Variants in VCF1 observed in about 807,000 individuals in gnomAD.
The protein encoded by VCF1 is protein VCF1.
chr17:73,219,409 G>T, the VCF1 span, among the ~76,000 whole-genome samples: 20 of 151,974 alleles, frequency 1.3e-4, no homozygotes, highest in African/African-American at 4.8e-4. Context: ...CCAGTCCTCT[G>T]GAGGCCGAGG....
chr17:73,226,920 G>A, the VCF1 span, among the ~76,000 whole-genome samples: 4 of 152,144 alleles, frequency 2.6e-5, no homozygotes, highest in Non-Finnish European at 5.9e-5. Flanking sequence ...AAAAAGCCAC[G>A]AAATTTCTAA....
chr17:73,211,798 T>G, the VCF1 span, among the ~76,000 whole-genome samples: 1 of 152,094 alleles, frequency 6.6e-6, no homozygotes, highest in Non-Finnish European at 1.5e-5. Context: ...AGGTGAAGGT[T>G]GCAGTGAGCC....
the VCF1 span, among the ~76,000 whole-genome samples, chr17:73,225,030 G>GACAGGACCACACAGC: frequency 1.7e-4 from 21 of 125,224 alleles, 6 homozygotes; most frequent in South Asian, 5.1e-4. Flanking sequence ...GACAGGACAG[G>GACAGGACCACACAGC]ACAGCACAGG....
chr17:73,221,661 G>A, the VCF1 span, among the ~76,000 whole-genome samples: 2 of 152,152 alleles, frequency 1.3e-5, no homozygotes, highest in Non-Finnish European at 2.9e-5. Flanking sequence ...GGCCAAGGTG[G>A]AAGGATTGCT....
chr17:73,214,338 C>T, the VCF1 span, among the ~76,000 whole-genome samples: 1 of 146,340 alleles, frequency 6.8e-6, no homozygotes, highest in African/African-American at 2.5e-5. Context: ...AAAAGGACAA[C>T]AGAGTGCAAC....
chr17:73,209,893 T>C, the VCF1 span: 9 of 1,385,508 alleles, frequency 6.5e-6, no homozygotes, highest in African/African-American at 5.8e-5. Context: ...TGAAGACATA[T>C]ACTGGGCTTT....
At chr17:73,231,653 A>G in the VCF1 span, among the ~76,000 whole-genome samples, 2 of 152,000 alleles carry the variant, frequency 1.3e-5, no homozygotes, top group African/African-American at 2.4e-5. Context: ...GTTAAGCCCA[A>G]CCTTTCTTTC....
the VCF1 span, chr17:73,227,548 G>A: frequency 7.3e-6 from 6 of 824,616 alleles, no homozygotes; most frequent in African/African-American, 1.1e-4. Flanking sequence ...AACAAGAACA[G>A]GAAGAGGTTA....
chr17:73,231,283 C>G, the VCF1 span, among the ~76,000 whole-genome samples: 7 of 152,138 alleles, frequency 4.6e-5, no homozygotes, highest in Non-Finnish European at 1.0e-4. Flanking sequence ...TCTGAGGTAA[C>G]CTTTCCCAAC....
At chr17:73,221,951 T>C in the VCF1 span, among the ~76,000 whole-genome samples, 2 of 150,730 alleles carry the variant, frequency 1.3e-5, no homozygotes, top group Non-Finnish European at 2.9e-5. Flanking sequence ...GGAGAATTGC[T>C]TGAACCCTCC....
the VCF1 span, among the ~76,000 whole-genome samples, chr17:73,224,904 G>C: frequency 1.4e-5 from 2 of 146,910 alleles, no homozygotes; most frequent in East Asian, 2.0e-4. Flanking sequence ...GGACAGGACA[G>C]GACAGGACAG....
chr17:73,227,275 A>G, the VCF1 span: 1 of 1,536,684 alleles, frequency 6.5e-7, no homozygotes, highest in Non-Finnish European at 8.7e-7. Flanking sequence ...CTGAAATTAA[A>G]TCACAAGGAG....
At chr17:73,224,857 C>G in the VCF1 span, among the ~76,000 whole-genome samples, 1 of 151,566 alleles carries the variant, frequency 6.6e-6, no homozygotes, top group Admixed American at 6.6e-5. Flanking sequence ...CAGGACAGGA[C>G]AGGACAGCAC....
the VCF1 span, among the ~76,000 whole-genome samples, chr17:73,228,137 T>C: frequency 6.6e-6 from 1 of 152,224 alleles, no homozygotes; most frequent in Non-Finnish European, 1.5e-5. Flanking sequence ...GTGTAGCTAG[T>C]GGCTACTGCA....
chr17:73,217,891 G>A, the VCF1 span, among the ~76,000 whole-genome samples: 1 of 152,018 alleles, frequency 6.6e-6, no homozygotes, highest in Non-Finnish European at 1.5e-5. Context: ...AGAATTGCTT[G>A]AACCCAGGAG....
chr17:73,227,319 G>A, the VCF1 span: 1 of 1,412,520 alleles, frequency 7.1e-7, no homozygotes. Context: ...CGATGTTTTG[G>A]ACACTTGAAT....
chr17:73,229,591 C>T, the VCF1 span: 1 of 985,132 alleles, frequency 1.0e-6, no homozygotes, highest in Non-Finnish European at 1.2e-6. Context: ...ATGGGCTGGG[C>T]ACGGTGACTC....
chr17:73,208,323 C>A, the VCF1 span: 3 of 1,613,768 alleles, frequency 1.9e-6, no homozygotes, highest in Non-Finnish European at 2.5e-6. Flanking sequence ...GGTTGTCCCC[C>A]CGGCACGCTC....
At chr17:73,215,167 T>C in the VCF1 span, among the ~76,000 whole-genome samples, 17 of 152,348 alleles carry the variant, frequency 1.1e-4, no homozygotes, top group Admixed American at 2.6e-4. Flanking sequence ...TGAAAAAGGA[T>C]TCTAGGTTAG....
Sources: gnomAD v4.1 joint callset for allele counts (sites outside exome capture counted in the v4.1 genomes callset) on GRCh38, gnomAD v4.1.1 for gene constraint, MANE v1.5 for transcripts, NCBI Gene and HGNC (gene_info 2026-07-23, HGNC 2026-07-21) for gene names.